Variants in XKR9 observed in about 807,000 individuals in gnomAD.
XKR9 encodes XK-related protein 9.
In XKR9, 32 loss-of-function variants were observed where a neutral mutation model predicts 32.0. That is an observed-to-expected ratio of 1.00 (90% CI 0.76 to 1.34). XKR9 has a LOEUF of 1.34. XKR9 is among the 40% of genes most tolerant of loss of function. XKR9 has a pLI of 0.00. For missense variants in XKR9, 546 were observed against 429.7 expected, an observed-to-expected ratio of 1.27 and a Z score of -2.39; for synonymous variants, 168 against 143.4, an observed-to-expected ratio of 1.17 and a Z score of -1.22.
intron 3 of XKR9, among the ~76,000 whole-genome samples, chr8:70,703,072 A>G (rs754849401): frequency 1.1e-4 from 16 of 151,526 alleles, no homozygotes; most frequent in Non-Finnish European, 2.4e-4. Flanking sequence ...GTGTTTGGGT[A>G]TTTATTTTGC....
the XKR9 span, among the ~76,000 whole-genome samples, chr8:70,918,808 T>TGCTCTGTC: frequency 8.0e-6 from 1 of 125,618 alleles, no homozygotes; most frequent in Admixed American, 8.6e-5. Flanking sequence ...GATGGAGTCT[T>TGCTCTGTC]GCTCTGTCGC....
At chr8:70,742,576 G>T (rs1046729337) in intron 2 of XKR9, among the ~76,000 whole-genome samples, 1 of 152,102 alleles carries the variant, frequency 6.6e-6, no homozygotes, top group African/African-American at 2.4e-5. Context: ...GTATAGGTTA[G>T]GTTTGTTAGT....
At position 70,698,757 on chromosome 8, in the gene XKR9, G is replaced by A. The variant is rs1178250402; in HGVS notation, c.273-8176G>A. Among the ~76,000 whole-genome samples the A allele has an allele frequency of 2.0e-5, 3 of 152,244 alleles. No individual in the cohort carries two copies. The East Asian group carries it at 5.8e-4, about 29-fold the overall frequency. Reference sequence around the variant, plus strand: ...GGTATCCTCGTTAACTTTCTGTCTTGTTGATCTGTCTAATGTTGACAGTGG... The same window carrying A: ...GGTATCCTCGTTAACTTTCTGTCTTATTGATCTGTCTAATGTTGACAGTGG... On this transcript the variant is annotated intron_variant, in intron 3 of 4. Transcript: ENST00000408926.
At chr8:70,954,046 A>T in the XKR9 span, among the ~76,000 whole-genome samples, 7 of 152,202 alleles carry the variant, frequency 4.6e-5, no homozygotes, top group South Asian at 2.1e-4. Context: ...ATTTTTTTTA[A>T]AAAAAAACTA....
At chr8:70,698,985 T>G (rs1805402464) in intron 3 of XKR9, among the ~76,000 whole-genome samples, 1 of 152,202 alleles carries the variant, frequency 6.6e-6, no homozygotes, top group African/African-American at 2.4e-5. Flanking sequence ...AAAGTCTCTT[T>G]TATCAGAGAC....
intron 2 of XKR9, among the ~76,000 whole-genome samples, chr8:70,676,845 TAAAC>T (rs201718954): frequency 0.012 from 1,791 of 152,118 alleles, 33 homozygotes; most frequent in African/African-American, 0.039. Flanking sequence ...CCCTGTCTCT[TAAAC>T]AAACAAACAA....
chr8:70,985,917 A>C, the XKR9 span, among the ~76,000 whole-genome samples: 1 of 152,148 alleles, frequency 6.6e-6, no homozygotes, highest in Non-Finnish European at 1.5e-5. Context: ...ATTTTGTTTA[A>C]CTCATATTAA....
At chr8:71,060,703 A>AC in the XKR9 span, among the ~76,000 whole-genome samples, 6 of 152,214 alleles carry the variant, frequency 3.9e-5, no homozygotes, top group Non-Finnish European at 2.9e-5. Context: ...TAGAAAAAAA[A>AC]CAACAGACAA....
the XKR9 span, among the ~76,000 whole-genome samples, chr8:71,019,150 T>A: frequency 1.3e-5 from 2 of 152,210 alleles, no homozygotes; most frequent in East Asian, 1.9e-4. Flanking sequence ...CTTTTTTTTT[T>A]AAACTACTGT....
At chr8:70,898,127 T>G in the XKR9 span, among the ~76,000 whole-genome samples, 1 of 152,196 alleles carries the variant, frequency 6.6e-6, no homozygotes, top group Non-Finnish European at 1.5e-5. Context: ...TTCTTTTACA[T>G]ATGGATATCC....
chr8:70,979,185 C>G, the XKR9 span, among the ~76,000 whole-genome samples: 1 of 152,282 alleles, frequency 6.6e-6, no homozygotes, highest in Admixed American at 6.5e-5. Flanking sequence ...TTCGAACATC[C>G]TCCTTTAGCT....
At chr8:71,032,173 A>G in the XKR9 span, among the ~76,000 whole-genome samples, 1 of 150,276 alleles carries the variant, frequency 6.7e-6, no homozygotes, top group Non-Finnish European at 1.5e-5. Flanking sequence ...AGTCCCAGCT[A>G]CTCTGGAGGC....
chr8:70,735,137 T>C lies in XKR9; in HGVS notation c.*713T>C, dbSNP rs566772032. The C allele has an allele frequency of 1.4e-3, 215 of 152,194 alleles. No individual in the cohort carries two copies. Among genetic ancestry groups the C allele is most frequent in the African/African-American group, 5.0e-3 (208 of 41,566 alleles). 9.4% of individuals were successfully genotyped at this position (152,194 alleles called of 1,614,324 possible). On this transcript the variant is annotated 3_prime_UTR_variant, in exon 5 of 5. Transcript: ENST00000408926. ...GTAAAAACATATAAAATTTACCATC[T>C]TAATCACTTTGAGTGTACAGTTCAT...
At chr8:71,012,810 C>A in the XKR9 span, among the ~76,000 whole-genome samples, 1 of 152,142 alleles carries the variant, frequency 6.6e-6, no homozygotes, top group African/African-American at 2.4e-5. Flanking sequence ...ACATTCAGAA[C>A]CTGGGTGTTT....
At chr8:70,969,854 C>T in the XKR9 span, among the ~76,000 whole-genome samples, 54 of 152,202 alleles carry the variant, frequency 3.5e-4, no homozygotes, top group African/African-American at 8.4e-4. Context: ...ACCCATCACC[C>T]GAGCAATATA....
the XKR9 span, among the ~76,000 whole-genome samples, chr8:70,901,913 G>A: frequency 6.6e-6 from 1 of 152,162 alleles, no homozygotes; most frequent in Non-Finnish European, 1.5e-5. Flanking sequence ...TATTAAATAC[G>A]GAATCCTTTC....
At chr8:70,725,722 A>C (rs1299929886) in intron 4 of XKR9, among the ~76,000 whole-genome samples, 1 of 152,162 alleles carries the variant, frequency 6.6e-6, no homozygotes, top group African/African-American at 2.4e-5. Context: ...CCTGTCCAAC[A>C]TTGTGAAACC....
intron 2 of XKR9, among the ~76,000 whole-genome samples, chr8:70,745,991 A>T (rs1807053150): frequency 6.6e-6 from 1 of 152,218 alleles, no homozygotes; most frequent in South Asian, 2.1e-4. Flanking sequence ...TGGGGTTAAC[A>T]TGAACCATTT....
At chr8:71,038,003 A>G in the XKR9 span, among the ~76,000 whole-genome samples, 3 of 152,182 alleles carry the variant, frequency 2.0e-5, no homozygotes, top group African/African-American at 7.2e-5. Context: ...AAAAATTGAT[A>G]TTGTCTGGCT....
Sources: gnomAD v4.1 joint callset for allele counts (sites outside exome capture counted in the v4.1 genomes callset) on GRCh38, gnomAD v4.1.1 for gene constraint, MANE v1.5 for transcripts, NCBI Gene and HGNC (gene_info 2026-07-23, HGNC 2026-07-21) for gene names.